Variants in CALN1 observed in about 807,000 individuals in gnomAD.
The protein encoded by CALN1 is calcium-binding protein 8.
In CALN1, 17 loss-of-function variants were observed where a neutral mutation model predicts 30.6. The ratio of observed to expected loss-of-function variants is 0.56; its 90% confidence interval spans 0.38 to 0.83. CALN1 has a LOEUF of 0.83. Ranked by LOEUF, CALN1 falls within the 40% of genes least tolerant of loss-of-function variation. The probability of loss-of-function intolerance (pLI) is 0.00; values close to 1 mark genes in which losing one functional copy is unlikely to be tolerated. For missense variants in CALN1, 291 were observed against 354.9 expected (o/e 0.82, Z 1.45); for synonymous variants, 156 against 131.4 (o/e 1.19, Z -1.28).
intron 5 of CALN1, among the ~76,000 whole-genome samples, chr7:71,872,516 C>T (rs1446873863): frequency 6.6e-6 from 1 of 152,164 alleles, no homozygotes; most frequent in Non-Finnish European, 1.5e-5. Context: ...TCAACAACTG[C>T]ACAGATTGCT....
At chr7:72,109,629 G>C (rs767469841) in intron 3 of CALN1, among the ~76,000 whole-genome samples, 1 of 152,162 alleles carries the variant, frequency 6.6e-6, no homozygotes, top group Non-Finnish European at 1.5e-5. Context: ...ACCAAGTCCC[G>C]ACTGGCCTGG....
At chr7:72,100,450 G>A (rs1324694035) in intron 4 of CALN1, among the ~76,000 whole-genome samples, 6 of 151,988 alleles carry the variant, frequency 3.9e-5, no homozygotes, top group African/African-American at 1.5e-4. Flanking sequence ...CCGAAGTGCT[G>A]GGATTACAAA....
intron 5 of CALN1, among the ~76,000 whole-genome samples, chr7:71,980,641 G>A (rs1259727622): frequency 1.3e-5 from 2 of 152,152 alleles, no homozygotes; most frequent in African/African-American, 4.8e-5. Flanking sequence ...GGCCTGCTCT[G>A]AGCACCACTT....
intron 2 of CALN1, among the ~76,000 whole-genome samples, chr7:72,325,878 G>A (rs1161822815): frequency 6.6e-6 from 1 of 152,006 alleles, no homozygotes; most frequent in Non-Finnish European, 1.5e-5. Context: ...TGACATCTGG[G>A]CAAAAAATGT....
intron 2 of CALN1, among the ~76,000 whole-genome samples, chr7:72,314,354 TATATAC>T: frequency 1.2e-5 from 1 of 81,006 alleles, no homozygotes; most frequent in African/African-American, 6.1e-5. Flanking sequence ...TATATACATA[TATATAC>T]ATATACATAT....
Position 71,809,348 on chromosome 7 carries a change from C to T in CALN1, c.658+988G>A, listed in dbSNP as rs536909761. On this transcript the variant is annotated intron_variant, in intron 6 of 6. Coordinates refer to ENST00000395275, the MANE Select transcript of CALN1 (RefSeq NM_031468.4). ...CTCAGCTCCAAGCACACTAGCCTCC[C>T]CCCATAGCACTCACTGGCTCTAAGG... 6.6e-5 allele frequency among the ~76,000 whole-genome samples: 10 copies of T among 151,492 alleles called. No individual in the cohort carries two copies. The East Asian group carries it at 1.6e-3, about 24-fold the overall frequency.
At chr7:72,426,430 A>T (rs1274883302) in intron 1 of CALN1, among the ~76,000 whole-genome samples, 1 of 152,178 alleles carries the variant, frequency 6.6e-6, no homozygotes, top group African/African-American at 2.4e-5. Flanking sequence ...AGTATTTAGA[A>T]GTTCTTCCTT....
intron 4 of CALN1, among the ~76,000 whole-genome samples, chr7:72,025,488 T>C (rs1800997684): frequency 6.6e-6 from 1 of 152,236 alleles, no homozygotes; most frequent in Admixed American, 6.5e-5. Context: ...GTACAATGAA[T>C]GAATGATGTC....
At chr7:72,061,520 T>TAA (rs1263025203) in intron 4 of CALN1, among the ~76,000 whole-genome samples, 1 of 143,674 alleles carries the variant, frequency 7.0e-6, no homozygotes. Context: ...ATTTCAGAAC[T>TAA]AAAAAAAAAA....
intron 5 of CALN1, among the ~76,000 whole-genome samples, chr7:71,886,705 G>A (rs965264947): frequency 7.3e-5 from 11 of 151,642 alleles, no homozygotes; most frequent in African/African-American, 2.2e-4. Flanking sequence ...TCTGGGAGGC[G>A]GAGGTTGCAG....
intron 5 of CALN1, among the ~76,000 whole-genome samples, chr7:71,905,794 C>T (rs530117874): frequency 3.5e-4 from 54 of 152,194 alleles, no homozygotes; most frequent in African/African-American, 1.3e-3. Context: ...TTGTATTAGT[C>T]TGTTCTCACA....
At chr7:72,065,074 AT>A (rs1803922477) in intron 4 of CALN1, among the ~76,000 whole-genome samples, 1 of 148,198 alleles carries the variant, frequency 6.7e-6, no homozygotes, top group Non-Finnish European at 1.5e-5. Context: ...TGTAAAATAT[AT>A]TTATATGTTA....
At chr7:71,985,409 C>T (rs910100586) in intron 5 of CALN1, among the ~76,000 whole-genome samples, 10 of 151,768 alleles carry the variant, frequency 6.6e-5, no homozygotes, top group Non-Finnish European at 1.2e-4. Context: ...TTTGGGAAGC[C>T]GAGGTGGAAG....
At chr7:72,486,648 C>T in the CALN1 span, among the ~76,000 whole-genome samples, 2 of 151,814 alleles carry the variant, frequency 1.3e-5, no homozygotes, top group Non-Finnish European at 2.9e-5. Flanking sequence ...GCTGGGATTA[C>T]GGGAGTGAGC....
At chr7:71,808,300 A>G (rs1787739649) in intron 6 of CALN1, among the ~76,000 whole-genome samples, 1 of 151,428 alleles carries the variant, frequency 6.6e-6, no homozygotes, top group South Asian at 2.1e-4. Flanking sequence ...AATAATGGTA[A>G]CAATTATTAG....
At chr7:72,214,113 CACAA>C (rs1425357343) in intron 3 of CALN1, among the ~76,000 whole-genome samples, 5 of 152,210 alleles carry the variant, frequency 3.3e-5, no homozygotes, top group Non-Finnish European at 2.9e-5. Flanking sequence ...ATGAATGATG[CACAA>C]ACAGTTTGGT....
At chr7:72,368,427 A>G (rs185906487) in intron 2 of CALN1, among the ~76,000 whole-genome samples, 2 of 152,118 alleles carry the variant, frequency 1.3e-5, no homozygotes, top group African/African-American at 4.8e-5. Flanking sequence ...TGCCACATAG[A>G]AATGGGATTC....
At chr7:71,797,354 CT>C (rs1786991334) in intron 6 of CALN1, among the ~76,000 whole-genome samples, 1 of 152,150 alleles carries the variant, frequency 6.6e-6, no homozygotes, top group South Asian at 2.1e-4. Context: ...TATTTTTGCT[CT>C]TTGATCCTTC....
chr7:72,341,458 G>A (rs2129558794), intron 2 of CALN1, among the ~76,000 whole-genome samples: 1 of 152,320 alleles, frequency 6.6e-6, no homozygotes, highest in East Asian at 1.9e-4. Flanking sequence ...GGGAGGCAGA[G>A]GTTGCAGTGA....
Sources: gnomAD v4.1 joint callset for allele counts (sites outside exome capture counted in the v4.1 genomes callset) on GRCh38, gnomAD v4.1.1 for gene constraint, MANE v1.5 for transcripts, NCBI Gene and HGNC (gene_info 2026-07-23, HGNC 2026-07-21) for gene names.